Variants in DDX10 observed in about 807,000 individuals in gnomAD.
DDX10 encodes the protein probable ATP-dependent RNA helicase DDX10.
Under a neutral mutation model 104.3 loss-of-function variants are expected in DDX10, and 74 were observed. The observed-to-expected ratio is 0.71, with a 90% CI of 0.59 to 0.86. The LOEUF is 0.86. DDX10 is among the 40% of genes least tolerant of loss of function. The pLI is 0.00. For synonymous variants in DDX10, 351 were observed against 353.4 expected (o/e 0.99, Z 0.08); for missense variants, 952 against 1,040.0 (o/e 0.92, Z 1.16).
Position 108,678,347 on chromosome 11 carries a change from C to G in DDX10, c.570C>G (p.Asn190Lys). Residue 190 changes from asparagine (N) to lysine (K), a missense_variant, in exon 5 of 18, where the codon AAC (asparagine) becomes AAG (lysine). This residue lies in a region of DDX10 where 412 missense variants were observed against 479.2 expected (regional missense o/e 0.86). Transcript: ENST00000322536. ...AACACGAAGCTGAGAGGATCAACAA[C>G]ATAAATATACTCGTGTGCACACCAG... ...DLKHEAERINNINILVCTPGR... is the reference protein window; with the variant it reads ...DLKHEAERINKINILVCTPGR... 1 of 1,611,948 alleles carries G rather than the reference C, an allele frequency of 6.2e-7. No homozygotes were observed. Among genetic ancestry groups the G allele is most frequent in the Non-Finnish European group, 8.5e-7 (1 of 1,179,194 alleles).
intron 13 of DDX10, among the ~76,000 whole-genome samples, chr11:108,799,296 C>T (rs1185113256): frequency 6.6e-6 from 1 of 152,208 alleles, no homozygotes; most frequent in Non-Finnish European, 1.5e-5. Context: ...TCACTCGTCA[C>T]TCACTTTCAC....
chr11:108,785,706 A>G (rs1317310493), intron 13 of DDX10, among the ~76,000 whole-genome samples: 2 of 151,942 alleles, frequency 1.3e-5, no homozygotes, highest in African/African-American at 4.8e-5. Context: ...AGATTTTCTA[A>G]TTTGTGTATG....
intron 9 of DDX10, among the ~76,000 whole-genome samples, chr11:108,704,594 A>G (rs1336480892): frequency 3.3e-5 from 5 of 152,142 alleles, no homozygotes; most frequent in African/African-American, 1.2e-4. Context: ...TCACTGCTTC[A>G]TGTGCTAGTG....
At chr11:108,754,442 G>A (rs2094342188) in intron 13 of DDX10, among the ~76,000 whole-genome samples, 1 of 151,806 alleles carries the variant, frequency 6.6e-6, no homozygotes, top group Admixed American at 6.6e-5. Flanking sequence ...AATCCATTGG[G>A]GTTTAGGAAG....
At chr11:108,902,527 TATGTA>T (rs1177382354) in intron 16 of DDX10, among the ~76,000 whole-genome samples, 3 of 152,204 alleles carry the variant, frequency 2.0e-5, no homozygotes, top group Non-Finnish European at 4.4e-5. Flanking sequence ...AATCTGAATT[TATGTA>T]ATGGGAATAT....
intron 13 of DDX10, among the ~76,000 whole-genome samples, chr11:108,768,605 T>C (rs2094359142): frequency 6.6e-6 from 1 of 152,220 alleles, no homozygotes; most frequent in Non-Finnish European, 1.5e-5. Flanking sequence ...TTTGTGGTTA[T>C]CTTTGATGTC....
intron 13 of DDX10, among the ~76,000 whole-genome samples, chr11:108,827,853 A>G (rs972231964): frequency 6.6e-6 from 1 of 152,202 alleles, no homozygotes; most frequent in Admixed American, 6.5e-5. Context: ...TCCTGTAATA[A>G]CATTTTAAGT....
chr11:108,869,648 C>CT (rs1863054695), intron 16 of DDX10, among the ~76,000 whole-genome samples: 3 of 151,662 alleles, frequency 2.0e-5, no homozygotes, highest in South Asian at 2.1e-4. Context: ...ACTTCAAAAT[C>CT]TTTTTTTTGA....
chr11:108,680,924 A>G (rs1431983917), intron 6 of DDX10, among the ~76,000 whole-genome samples: 1 of 152,190 alleles, frequency 6.6e-6, no homozygotes, highest in African/African-American at 2.4e-5. Context: ...TGGGAATGGA[A>G]TAGTAAGATA....
At chr11:108,668,878 T>C (rs1401993520) in intron 1 of DDX10, among the ~76,000 whole-genome samples, 2 of 152,192 alleles carry the variant, frequency 1.3e-5, no homozygotes, top group South Asian at 2.1e-4. Context: ...TTAGGGGAAG[T>C]TGAGTTATCC....
At chr11:108,696,423 C>T (rs575042760) in intron 9 of DDX10, among the ~76,000 whole-genome samples, 12 of 152,162 alleles carry the variant, frequency 7.9e-5, no homozygotes, top group African/African-American at 2.9e-4. Flanking sequence ...GTGATCCGCC[C>T]GCCTCAGCCT....
chr11:108,728,792 A>G (rs1308036907), intron 13 of DDX10, among the ~76,000 whole-genome samples: 1 of 152,162 alleles, frequency 6.6e-6, no homozygotes, highest in African/African-American at 2.4e-5. Flanking sequence ...TGCTGAGCTG[A>G]CAGGCAGTAA....
chr11:108,856,672 A>G (rs1228470120), intron 16 of DDX10, among the ~76,000 whole-genome samples: 2 of 152,160 alleles, frequency 1.3e-5, no homozygotes, highest in African/African-American at 4.8e-5. Context: ...CATTTATGAA[A>G]TAATACTGAT....
intron 13 of DDX10, among the ~76,000 whole-genome samples, chr11:108,727,027 A>G (rs952541146): frequency 6.6e-6 from 1 of 151,934 alleles, no homozygotes; most frequent in African/African-American, 2.4e-5. Context: ...TCCTTTGAAA[A>G]ACTCCATTTA....
chr11:108,786,273 T>A (rs971834858), intron 13 of DDX10, among the ~76,000 whole-genome samples: 5 of 152,174 alleles, frequency 3.3e-5, no homozygotes, highest in Admixed American at 3.3e-4. Flanking sequence ...AGACTCAGCA[T>A]GTGGTTGATC....
intron 10 of DDX10, among the ~76,000 whole-genome samples, chr11:108,713,608 T>C (rs1403280373): frequency 6.6e-6 from 1 of 152,228 alleles, no homozygotes; most frequent in East Asian, 1.9e-4. Flanking sequence ...TTAGTTTAAA[T>C]TACATTTCTG....
At chr11:108,832,358 A>C (rs1395526505) in intron 13 of DDX10, among the ~76,000 whole-genome samples, 4 of 152,210 alleles carry the variant, frequency 2.6e-5, no homozygotes, top group Non-Finnish European at 4.4e-5. Context: ...TCATCTTCAC[A>C]AAAACCAAAT....
At chr11:108,841,257 G>A in intron 14 of DDX10, 58 bp from the exon 15 acceptor site, 4 of 1,433,870 alleles carry the variant, frequency 2.8e-6, no homozygotes, top group Non-Finnish European at 2.9e-6. Flanking sequence ...ACAAAATGAA[G>A]TGTCTTTCTG....
At chr11:108,872,330 T>C (rs185346073) in intron 16 of DDX10, among the ~76,000 whole-genome samples, 55 of 152,328 alleles carry the variant, frequency 3.6e-4, no homozygotes, top group African/African-American at 1.3e-3. Flanking sequence ...TATCTTCCTG[T>C]CTATAAAACA....
Sources: allele counts gnomAD v4.1 joint callset (sites outside exome capture counted in the v4.1 genomes callset), GRCh38; gene constraint gnomAD v4.1.1; regional missense constraint gnomAD v4.1.1; transcripts MANE v1.5; gene names NCBI Gene and HGNC (gene_info 2026-07-23, HGNC 2026-07-21).